Variants in COL21A1 observed in about 807,000 individuals in gnomAD.
COL21A1 encodes the protein collagen type XXI alpha 1 chain, also known as collagen alpha-1(XXI) chain.
Under a neutral mutation model 137.9 loss-of-function variants are expected in COL21A1, and 149 were observed. That is an observed-to-expected ratio of 1.08 (90% CI 0.95 to 1.24). COL21A1 has a LOEUF of 1.24. COL21A1 is among the 50% of genes most tolerant of loss of function. The pLI, the probability that COL21A1 is intolerant of heterozygous loss-of-function variation, is 0.00. For missense variants in COL21A1, 1,167 were observed against 1,158.4 expected, an observed-to-expected ratio of 1.01 and a Z score of -0.11; for synonymous variants, 456 against 391.5, an observed-to-expected ratio of 1.16 and a Z score of -1.95.
At chr6:56,196,106 A>C (rs947838647) in intron 1 of COL21A1, among the ~76,000 whole-genome samples, 1 of 152,204 alleles carries the variant, frequency 6.6e-6, no homozygotes, top group African/African-American at 2.4e-5. Context: ...TTAAAAACAA[A>C]GAATAAAATT....
chr6:56,325,969 AT>A (rs1728198226), intron 1 of COL21A1, among the ~76,000 whole-genome samples: 1 of 558 alleles, frequency 1.8e-3, no homozygotes, highest in African/African-American at 3.8e-3. Context: ...TATAATATAT[AT>A]TATATATTAT....
intron 17 of COL21A1, among the ~76,000 whole-genome samples, chr6:56,089,972 T>G (rs923405914): frequency 6.6e-6 from 1 of 152,232 alleles, no homozygotes; most frequent in Non-Finnish European, 1.5e-5. Flanking sequence ...CTGGGCGCAG[T>G]GGCTCACGCC....
intron 17 of COL21A1, among the ~76,000 whole-genome samples, chr6:56,080,106 A>T (rs1354506866): frequency 1.3e-5 from 2 of 151,808 alleles, no homozygotes; most frequent in Admixed American, 6.6e-5. Context: ...TTAAGTTAGC[A>T]GTAATATTAT....
intron 1 of COL21A1, among the ~76,000 whole-genome samples, chr6:56,380,700 C>T (rs1047804567): frequency 6.6e-6 from 1 of 152,132 alleles, no homozygotes; most frequent in African/African-American, 2.4e-5. Context: ...ACATTTTCCA[C>T]ATTTTTGTGC....
chr6:56,336,042 T>G (rs1294027611), intron 1 of COL21A1, among the ~76,000 whole-genome samples: 1 of 152,200 alleles, frequency 6.6e-6, no homozygotes, highest in Non-Finnish European at 1.5e-5. Context: ...CAGCTAACAT[T>G]TACAAAACAC....
intron 1 of COL21A1, among the ~76,000 whole-genome samples, chr6:56,227,777 T>C (rs1225400413): frequency 6.6e-6 from 1 of 152,008 alleles, no homozygotes; most frequent in African/African-American, 2.4e-5. Context: ...TGAAAAGATA[T>C]CAAATATATA....
At chr6:56,213,099 C>G (rs1348804862) in intron 1 of COL21A1, among the ~76,000 whole-genome samples, 1 of 151,956 alleles carries the variant, frequency 6.6e-6, no homozygotes, top group Non-Finnish European at 1.5e-5. Flanking sequence ...TTCTGTGACT[C>G]TATGATAAAT....
chr6:56,331,409 C>T (rs1451065648), intron 1 of COL21A1, among the ~76,000 whole-genome samples: 1 of 151,924 alleles, frequency 6.6e-6, no homozygotes, highest in Non-Finnish European at 1.5e-5. Context: ...TTAATAGTTA[C>T]AGGTCTTATA....
At chr6:56,138,641 C>G (rs2143359) in intron 12 of COL21A1, among the ~76,000 whole-genome samples, 10,138 of 152,080 alleles carry the variant, frequency 0.067, 392 homozygotes, top group Admixed American at 0.11. Flanking sequence ...TTGAAAAATA[C>G]TGACTACTGG....
chr6:56,237,532 C>T (rs1375079494), intron 1 of COL21A1, among the ~76,000 whole-genome samples: 1 of 151,962 alleles, frequency 6.6e-6, no homozygotes, highest in Non-Finnish European at 1.5e-5. Flanking sequence ...GCTCTTTAGG[C>T]CAAAGGCTCA....
intron 24 of COL21A1, among the ~76,000 whole-genome samples, chr6:56,064,071 C>T (rs183380293): frequency 1.1e-4 from 16 of 152,208 alleles, no homozygotes; most frequent in Non-Finnish European, 1.9e-4. Flanking sequence ...GAAGCAAAGC[C>T]ATCTTACTGT....
chr6:56,255,914 AC>A (rs1364829961), intron 1 of COL21A1, among the ~76,000 whole-genome samples: 2 of 152,104 alleles, frequency 1.3e-5, no homozygotes, highest in African/African-American at 4.8e-5. Flanking sequence ...GTTCTTCTGA[AC>A]CTGAACCACA....
intron 1 of COL21A1, among the ~76,000 whole-genome samples, chr6:56,244,658 TTA>T (rs1782541646): frequency 6.6e-6 from 1 of 152,152 alleles, no homozygotes; most frequent in Non-Finnish European, 1.5e-5. Flanking sequence ...GGAACTTGCT[TTA>T]TGTTTAGTCT....
intron 1 of COL21A1, among the ~76,000 whole-genome samples, chr6:56,258,409 C>A (rs569400236): frequency 6.6e-6 from 1 of 152,138 alleles, no homozygotes; most frequent in African/African-American, 2.4e-5. Context: ...ACACCTCCAA[C>A]TACTCCACTC....
chr6:56,061,146 T>C (rs1562134119), intron 25 of COL21A1, 109 bp from the exon 26 acceptor site: 21 of 844,868 alleles, frequency 2.5e-5, no homozygotes, highest in Non-Finnish European at 3.5e-5. Context: ...TATGTAAATA[T>C]GTAAGGTATG....
At chr6:56,226,237 A>G (rs1781183032) in intron 1 of COL21A1, among the ~76,000 whole-genome samples, 1 of 152,036 alleles carries the variant, frequency 6.6e-6, no homozygotes, top group Non-Finnish European at 1.5e-5. Context: ...TGTATACCAA[A>G]AAAAGTCACT....
At chr6:56,384,993 C>A (rs541736023) in intron 1 of COL21A1, among the ~76,000 whole-genome samples, 19 of 152,130 alleles carry the variant, frequency 1.2e-4, no homozygotes, top group African/African-American at 4.3e-4. Context: ...AGGAAGGAAA[C>A]TTAACATGAC....
intron 1 of COL21A1, among the ~76,000 whole-genome samples, chr6:56,284,136 C>T (rs974521342): frequency 5.3e-5 from 8 of 152,172 alleles, no homozygotes; most frequent in African/African-American, 1.9e-4. Flanking sequence ...CAACCTCCAC[C>T]TCCTGGGTTC....
intron 1 of COL21A1, among the ~76,000 whole-genome samples, chr6:56,358,762 A>C (rs1181787273): frequency 1.3e-5 from 2 of 152,228 alleles, no homozygotes; most frequent in African/African-American, 4.8e-5. Flanking sequence ...TAAAGAAGAA[A>C]GAAAAAAGCC....
Sources: gnomAD v4.1 joint callset for allele counts (sites outside exome capture counted in the v4.1 genomes callset) on GRCh38, gnomAD v4.1.1 for gene constraint, MANE v1.5 for transcripts, NCBI Gene and HGNC (gene_info 2026-07-23, HGNC 2026-07-21) for gene names.